Variants in ZNF254 observed in about 807,000 individuals in gnomAD.
ZNF254 encodes the protein zinc finger protein 254, also known as CTD-2017D11.1.
Under a neutral mutation model 12.4 loss-of-function variants are expected in ZNF254, and 10 were observed. The ratio of observed to expected loss-of-function variants is 0.80; its 90% CI spans 0.50 to 1.36. The LOEUF (loss-of-function observed/expected upper bound fraction) is 1.36, where lower values mean the gene tolerates loss of function less well. Among genes scored for constraint, ZNF254 ranks in the 40% most tolerant of loss-of-function variants. The pLI, the probability that ZNF254 is intolerant of heterozygous loss-of-function variation, is 0.00. For missense variants in ZNF254, 996 were observed against 763.9 expected, an observed-to-expected ratio of 1.30 and a Z score of -3.58; for synonymous variants, 305 against 253.4, an observed-to-expected ratio of 1.20 and a Z score of -1.93.
Position 24,128,185 on chromosome 19 carries a change from G to T in ZNF254, c.*205G>T, listed in dbSNP as rs1240440612. The T allele has an allele frequency of 1.9e-6, 1 of 532,784 alleles. No individual in the cohort carries two copies. The highest frequency in any genetic ancestry group is 3.0e-6 in the Non-Finnish European group (1 of 331,022). 33.0% of individuals were successfully genotyped at this position (532,784 alleles called of 1,614,324 possible). ...GATTGTCACACTTGATTGTAGGTAAGATAATTCATACTGGAGAAAACTACC... is the reference window on the plus strand; with the variant it reads ...GATTGTCACACTTGATTGTAGGTAATATAATTCATACTGGAGAAAACTACC... On this transcript the variant is annotated 3_prime_UTR_variant, in exon 4 of 4. Transcript: ENST00000357002.
intron 2 of ZNF254, among the ~76,000 whole-genome samples, chr19:24,055,898 C>T (rs1243937951): frequency 6.6e-6 from 1 of 152,176 alleles, no homozygotes; most frequent in Non-Finnish European, 1.5e-5. Context: ...ACCTCCTTTA[C>T]CTAAAACCGG....
At chr19:24,124,603 C>G (rs1974702743) in intron 3 of ZNF254, among the ~76,000 whole-genome samples, 1 of 151,870 alleles carries the variant, frequency 6.6e-6, no homozygotes. Context: ...TTTGGCAGGA[C>G]AGATTTGCTG....
intron 3 of ZNF254, among the ~76,000 whole-genome samples, chr19:24,125,879 C>T (rs1974799996): frequency 6.6e-6 from 1 of 152,164 alleles, no homozygotes; most frequent in South Asian, 2.1e-4. Context: ...AATGATTGTG[C>T]CGGTATTTTA....
intron 2 of ZNF254, 92 bp from the exon 3 acceptor site, chr19:24,106,456 A>G: frequency 1.1e-6 from 1 of 952,120 alleles, no homozygotes; most frequent in South Asian, 1.6e-5. Flanking sequence ...CTTTGTTAGC[A>G]TATTCTATTA....
chr19:24,090,943 ATTTTTTTT>A (rs869068959), intron 1 of ZNF254, among the ~76,000 whole-genome samples: 2 of 89,634 alleles, frequency 2.2e-5, no homozygotes, highest in Non-Finnish European at 4.2e-5. Flanking sequence ...TGGAGGAGTG[ATTTTTTTT>A]TTTTTTTTTT....
intron 3 of ZNF254, among the ~76,000 whole-genome samples, chr19:24,121,703 G>A (rs144655595): frequency 6.5e-4 from 99 of 151,962 alleles, no homozygotes; most frequent in African/African-American, 1.1e-3. Flanking sequence ...GATTACAGGC[G>A]CCCACTACCA....
At chr19:24,109,862 C>T (rs1185544796) in intron 3 of ZNF254, among the ~76,000 whole-genome samples, 10 of 151,312 alleles carry the variant, frequency 6.6e-5, no homozygotes, top group Non-Finnish European at 1.5e-4. Context: ...GCTGGGATTA[C>T]AGGCATGTGC....
chr19:24,119,645 T>C (rs1040372446), intron 3 of ZNF254, among the ~76,000 whole-genome samples: 1 of 152,232 alleles, frequency 6.6e-6, no homozygotes, highest in South Asian at 2.1e-4. Flanking sequence ...TGTAGCTTCA[T>C]GTCCTCCCAG....
intron 2 of ZNF254, among the ~76,000 whole-genome samples, chr19:24,059,808 G>A (rs1350467332): frequency 6.6e-6 from 1 of 152,138 alleles, no homozygotes; most frequent in Non-Finnish European, 1.5e-5. Context: ...CTTAGGTGAT[G>A]TAACTTGCCT....
chr19:24,063,097 A>G (rs1277802728), intron 2 of ZNF254, among the ~76,000 whole-genome samples: 1 of 152,150 alleles, frequency 6.6e-6, no homozygotes, highest in Non-Finnish European at 1.5e-5. Flanking sequence ...CTCCTTGCCT[A>G]GACTAAGGCA....
rs199868845 is a variant in ZNF254, at chr19:24,058,393, T to TTTTC, written c.-94+12134_-94+12137dup. ...TGCATCCAGGTGATGGGAGTTTTCT[T>TTTTC]TTTCTTTCTTTCTTTCTTTCTTTTT... On this transcript the variant is annotated intron_variant, in intron 2 of 4. Coordinates refer to the ZNF254 transcript ENST00000613065. Among the ~76,000 whole-genome samples the TTTTC allele has an allele frequency of 4.2e-4, 47 of 111,622 alleles. No individual in the cohort carries two copies. The East Asian group carries it at 4.6e-3, about 11-fold the overall frequency. The allele number at this position is 111,622 out of a possible 152,430, so 73.2% of individuals were successfully genotyped here. A position where few individuals can be genotyped will look rare whatever the true frequency, so the allele number is the denominator to read the frequency against.
chr19:24,093,712 G>GT (rs1972522219), intron 1 of ZNF254, among the ~76,000 whole-genome samples: 1 of 152,132 alleles, frequency 6.6e-6, no homozygotes, highest in East Asian at 1.9e-4. Context: ...TTTGAAGACA[G>GT]GTAATGTAAT....
intron 1 of ZNF254, among the ~76,000 whole-genome samples, chr19:24,087,948 C>G (rs1972132201): frequency 7.4e-6 from 1 of 134,944 alleles, no homozygotes; most frequent in Admixed American, 7.5e-5. Flanking sequence ...CAGAGTCTCA[C>G]TTTTTTGCTC....
intron 3 of ZNF254, among the ~76,000 whole-genome samples, chr19:24,115,652 T>C (rs1974005436): frequency 6.6e-6 from 1 of 152,122 alleles, no homozygotes; most frequent in African/African-American, 2.4e-5. Context: ...TGTGCACATG[T>C]ACCGTAAAAC....
chr19:24,124,928 G>A (rs1212861641), intron 3 of ZNF254, among the ~76,000 whole-genome samples: 1 of 151,938 alleles, frequency 6.6e-6, no homozygotes, highest in Non-Finnish European at 1.5e-5. Flanking sequence ...GGGATTACAG[G>A]CATGCACCAC....
At chr19:24,113,855 A>G (rs1404154057) in intron 3 of ZNF254, among the ~76,000 whole-genome samples, 4 of 152,238 alleles carry the variant, frequency 2.6e-5, no homozygotes, top group Non-Finnish European at 5.9e-5. Flanking sequence ...TACAAAATCA[A>G]TGTACAACAA....
upstream of ZNF254, among the ~76,000 whole-genome samples, chr19:24,085,283 A>G (rs1971984519): frequency 6.6e-6 from 1 of 151,324 alleles, no homozygotes; most frequent in Non-Finnish European, 1.5e-5. Context: ...TAGATCTGTT[A>G]CTTAACAGAA....
At chr19:24,071,042 T>G (rs1971461795) in intron 2 of ZNF254, among the ~76,000 whole-genome samples, 1 of 151,930 alleles carries the variant, frequency 6.6e-6, no homozygotes, top group African/African-American at 2.4e-5. Context: ...TTTTTCTTGG[T>G]TTTAAGGAGT....
chr19:24,110,977 G>A (rs1568462833), intron 3 of ZNF254, among the ~76,000 whole-genome samples: 1 of 151,424 alleles, frequency 6.6e-6, no homozygotes, highest in Non-Finnish European at 1.5e-5. Flanking sequence ...TATACTACAA[G>A]TTTTAGGGTA....
Sources: allele counts gnomAD v4.1 joint callset (sites outside exome capture counted in the v4.1 genomes callset), GRCh38; gene constraint gnomAD v4.1.1; transcripts MANE v1.5; gene names NCBI Gene and HGNC (gene_info 2026-07-23, HGNC 2026-07-21).